The following KCNH5 variants were observed in gnomAD, a reference collection of about 807,000 sequenced individuals.
The protein encoded by KCNH5 is potassium voltage-gated channel subfamily H member 5.
A neutral mutation model predicts 96.1 loss-of-function variants in KCNH5; 46 were observed. The observed-to-expected ratio is 0.48, with a 90% CI of 0.38 to 0.61. The LOEUF (loss-of-function observed/expected upper bound fraction) is 0.61. Among genes scored for constraint, KCNH5 ranks in the 20% least tolerant of loss-of-function variants. KCNH5 has a pLI of 0.00. For synonymous variants in KCNH5, 439 were observed against 449.8 expected, an observed-to-expected ratio of 0.98 and a Z score of 0.30; for missense variants, 907 against 1,225.8, an observed-to-expected ratio of 0.74 and a Z score of 3.88.
At chr14:62,783,208 A>G (rs1886254524) in intron 9 of KCNH5, among the ~76,000 whole-genome samples, 1 of 152,198 alleles carries the variant, frequency 6.6e-6, no homozygotes, top group Non-Finnish European at 1.5e-5. Context: ...ACATACACAC[A>G]TACATGCACA....
chr14:63,045,195 T>G lies in KCNH5; in HGVS notation c.-9A>C, dbSNP rs1566552745. ...CTCTTGCCCCCCGGCATCCTGGGTC[T>G]GGAGAGCAGCGGCCAGGATCCGCGG... is the stretch of plus-strand genomic sequence containing the variant. On this transcript the variant is annotated 5_prime_UTR_variant, in exon 1 of 11. Coordinates refer to ENST00000322893, the MANE Select transcript of KCNH5 (RefSeq NM_139318.5). 1 of 1,612,064 alleles carries G rather than the reference T, an allele frequency of 6.2e-7. No homozygotes were observed.
At chr14:62,955,460 G>A (rs1890085943) in intron 6 of KCNH5, among the ~76,000 whole-genome samples, 1 of 152,102 alleles carries the variant, frequency 6.6e-6, no homozygotes, top group Non-Finnish European at 1.5e-5. Context: ...AATCCTATGT[G>A]GTACCTATCA....
At chr14:62,829,151 C>T (rs937266385) in intron 8 of KCNH5, among the ~76,000 whole-genome samples, 1 of 152,140 alleles carries the variant, frequency 6.6e-6, no homozygotes, top group Non-Finnish European at 1.5e-5. Flanking sequence ...AGCTGTGCAC[C>T]TGACGTTTTG....
chr14:62,778,139 C>T (rs1416904817), intron 10 of KCNH5, among the ~76,000 whole-genome samples: 1 of 152,108 alleles, frequency 6.6e-6, no homozygotes, highest in Admixed American at 6.5e-5. Flanking sequence ...TTAAAATGCA[C>T]ATTTTAGATT....
At chr14:62,872,683 A>G (rs1192651114) in intron 7 of KCNH5, among the ~76,000 whole-genome samples, 1 of 151,940 alleles carries the variant, frequency 6.6e-6, no homozygotes, top group Non-Finnish European at 1.5e-5. Flanking sequence ...ACAGAGCAAG[A>G]CTCCATCTTA....
chr14:62,981,070 C>T lies in KCNH5; in HGVS notation c.744G>A (p.Leu248=), dbSNP rs370529190. ...FKTKQNNIAW[L]VLDSVVDVIF... ...TAACGTCCACCACACTATCCAGTAC[C>T]AGCCAGGCTATGTTGTTCTGCTTTG... Residue 248 remains leucine (L), a synonymous_variant, in exon 6 of 11, where the codon CTG becomes CTA. Coordinates refer to ENST00000322893, the MANE Select transcript of KCNH5 (RefSeq NM_139318.5). 6.8e-6 allele frequency: 11 copies of T among 1,614,036 alleles called. No individual in the cohort carries two copies. The highest frequency in any genetic ancestry group is 9.3e-6 in the Non-Finnish European group (11 of 1,180,030).
At chr14:62,975,975 T>C (rs2139562386) in intron 6 of KCNH5, among the ~76,000 whole-genome samples, 1 of 151,604 alleles carries the variant, frequency 6.6e-6, no homozygotes, top group South Asian at 2.1e-4. Context: ...TATAATAGTA[T>C]TAAGCAAACT....
intron 3 of KCNH5, among the ~76,000 whole-genome samples, chr14:63,003,600 ATTTATATT>A (rs1891065636): frequency 8.1e-6 from 1 of 123,142 alleles, no homozygotes; most frequent in African/African-American, 3.2e-5. Flanking sequence ...ATATTTATAT[ATTTATATT>A]TATATATATA....
At chr14:62,908,277 C>T (rs1330003075) in intron 7 of KCNH5, among the ~76,000 whole-genome samples, 1 of 152,140 alleles carries the variant, frequency 6.6e-6, no homozygotes, top group East Asian at 1.9e-4. Flanking sequence ...ATCTGAAATG[C>T]AATGAAGTCA....
chr14:62,712,841 T>G (rs1595589876), intron 10 of KCNH5: 2 of 691,170 alleles, frequency 2.9e-6, no homozygotes, highest in East Asian at 5.4e-5. Context: ...GCAGAGCCAG[T>G]AGGCTTAAAC....
In KCNH5 at chr14:62,864,737, CA is replaced by C. The variant is rs533637432; in HGVS notation, c.1370-14886del. Among the ~76,000 whole-genome samples the C allele has an allele frequency of 2.2e-3, 340 of 152,334 alleles. 2 individuals carry two copies. Among genetic ancestry groups the C allele is most frequent in the Admixed American group, 4.8e-3 (74 of 15,298 alleles). On this transcript the variant is annotated intron_variant, in intron 7 of 10. Transcript: ENST00000322893. The stretch of plus-strand genomic sequence containing the variant: ...AGTCCCAATTCACATTAGCATGTCA[CA>C]ATGCATATTAGCATATCAAAAGCTC...
chr14:62,733,417 G>T (rs575988139), intron 10 of KCNH5, among the ~76,000 whole-genome samples: 6 of 152,202 alleles, frequency 3.9e-5, no homozygotes, highest in Admixed American at 3.9e-4. Context: ...CCAGGAAACA[G>T]GCTCTCACTA....
chr14:63,019,828 A>G (rs926495080), intron 1 of KCNH5, among the ~76,000 whole-genome samples: 1 of 152,104 alleles, frequency 6.6e-6, no homozygotes, highest in African/African-American at 2.4e-5. Context: ...ATGTTGATAA[A>G]TTAGGCATCA....
chr14:62,718,310 ATC>A (rs1039624870), intron 10 of KCNH5, among the ~76,000 whole-genome samples: 100 of 152,236 alleles, frequency 6.6e-4, no homozygotes, highest in African/African-American at 2.3e-3. Context: ...ATAATAATAT[ATC>A]TGATATAGGT....
intron 8 of KCNH5, among the ~76,000 whole-genome samples, chr14:62,809,297 G>A (rs1200134870): frequency 3.3e-5 from 5 of 152,052 alleles, no homozygotes; most frequent in Non-Finnish European, 7.4e-5. Context: ...GTTTTATTTT[G>A]TAACAGGACA....
rs541217659 is a variant in KCNH5 at position 62,957,193 on chromosome 14, T to C, written c.943-6634A>G. ...GTGCCATTAACCCTTCAAGTCACTTTTGTGGATTCCACATTAAAGAGATGT... is the reference window on the plus strand; with the variant it reads ...GTGCCATTAACCCTTCAAGTCACTTCTGTGGATTCCACATTAAAGAGATGT... On this transcript the variant is annotated intron_variant, in intron 6 of 10. Coordinates refer to ENST00000322893, the MANE Select transcript of KCNH5 (RefSeq NM_139318.5). Among the ~76,000 whole-genome samples, 98 of 152,212 alleles carry C rather than the reference T, an allele frequency of 6.4e-4. 1 individual carries two copies. Among genetic ancestry groups the C allele is most frequent in the Non-Finnish European group, 1.3e-3 (86 of 68,034 alleles).
At chr14:62,966,270 T>C (rs982580531) in intron 6 of KCNH5, among the ~76,000 whole-genome samples, 5 of 152,206 alleles carry the variant, frequency 3.3e-5, no homozygotes, top group African/African-American at 1.2e-4. Flanking sequence ...TCATCGATCA[T>C]GCTTATTTAT....
chr14:62,975,875 A>T (rs1227178306), intron 6 of KCNH5, among the ~76,000 whole-genome samples: 1 of 152,206 alleles, frequency 6.6e-6, no homozygotes, highest in Non-Finnish European at 1.5e-5. Context: ...CCTGTTAAAG[A>T]GACTTTCAGA....
chr14:62,938,362 G>T (rs1053072209), intron 7 of KCNH5, among the ~76,000 whole-genome samples: 2 of 152,148 alleles, frequency 1.3e-5, no homozygotes, highest in Non-Finnish European at 2.9e-5. Flanking sequence ...TAACCTTCCA[G>T]GGAGGGCTAA....
Sources: gnomAD v4.1 joint callset for allele counts (sites outside exome capture counted in the v4.1 genomes callset) on GRCh38, gnomAD v4.1.1 for gene constraint, MANE v1.5 for transcripts, NCBI Gene and HGNC (gene_info 2026-07-23, HGNC 2026-07-21) for gene names.